The following RAPGEF4 variants were observed in gnomAD, a reference collection of about 807,000 sequenced individuals.
RAPGEF4 encodes the protein Rap guanine nucleotide exchange factor 4.
In RAPGEF4, 66 loss-of-function variants were observed where a neutral mutation model predicts 147.9. The ratio of observed to expected loss-of-function variants is 0.45; its 90% confidence interval spans 0.37 to 0.55. The LOEUF (loss-of-function observed/expected upper bound fraction) is 0.55, where lower values mean the gene tolerates loss of function less well. Ranked by LOEUF, RAPGEF4 falls within the 20% of genes least tolerant of loss-of-function variation. The pLI is 0.00. For missense variants in RAPGEF4, 1,071 were observed against 1,257.3 expected (o/e 0.85, Z 2.24); for synonymous variants, 419 against 442.7 (o/e 0.95, Z 0.67).
rs768086945 is a variant in RAPGEF4, at chr2:172,961,094, C to T, written c.592-28C>T. The T allele has an allele frequency of 4.1e-6, 6 of 1,464,216 alleles. No individual in the cohort carries two copies. In the South Asian group the frequency reaches 6.8e-5, roughly 17 times the overall value. 90.7% of individuals were successfully genotyped at this position (1,464,216 alleles called of 1,614,324 possible). ...CCTTCTATAAACACTTCTTTCTCCT[C>T]CCCTCCTTCCACCTGATTACAATCC... On this transcript the variant is annotated intron_variant, in intron 7 of 30. Transcript: ENST00000397081.
At chr2:172,786,528 A>C (rs534851520) in intron 1 of RAPGEF4, among the ~76,000 whole-genome samples, 13 of 152,332 alleles carry the variant, frequency 8.5e-5, no homozygotes, top group Non-Finnish European at 1.8e-4. Context: ...AAAATGTCAT[A>C]GATTTCATAA....
At chr2:172,968,866 T>C (rs1690152464) in intron 10 of RAPGEF4, among the ~76,000 whole-genome samples, 1 of 152,212 alleles carries the variant, frequency 6.6e-6, no homozygotes, top group Non-Finnish European at 1.5e-5. Context: ...AGCCATGTTT[T>C]CTTTCTTGTC....
chr2:172,766,682 G>A (rs567869485), intron 1 of RAPGEF4, among the ~76,000 whole-genome samples: 7 of 152,084 alleles, frequency 4.6e-5, no homozygotes, highest in Non-Finnish European at 8.8e-5. Context: ...AGCCCCTCCC[G>A]TCGCCTTTCT....
At chr2:172,970,590 G>A (rs2105538181) in intron 10 of RAPGEF4, among the ~76,000 whole-genome samples, 1 of 152,174 alleles carries the variant, frequency 6.6e-6, no homozygotes, top group South Asian at 2.1e-4. Flanking sequence ...TGAAGATGTT[G>A]CTTTGAAAGG....
chr2:172,973,107 CTT>C (rs58806286), intron 10 of RAPGEF4, among the ~76,000 whole-genome samples: 47,549 of 132,078 alleles, frequency 0.36, 5,124 homozygotes, highest in South Asian at 0.51. Context: ...CTTTTTTTTT[CTT>C]TTTTTTTTTT....
intron 4 of RAPGEF4, among the ~76,000 whole-genome samples, chr2:172,875,034 A>T (rs2149825865): frequency 6.6e-6 from 1 of 152,330 alleles, no homozygotes; most frequent in East Asian, 1.9e-4. Context: ...TTTTGGCTGC[A>T]TAAATGTCTT....
chr2:173,002,014 A>AAAT (rs1491066522), intron 17 of RAPGEF4, among the ~76,000 whole-genome samples: 2 of 148,014 alleles, frequency 1.4e-5, no homozygotes, highest in African/African-American at 5.1e-5. Flanking sequence ...AAAAAAAAAA[A>AAAT]ATCCATTGCC....
At chr2:172,946,765 A>T (rs1687718245) in intron 6 of RAPGEF4, among the ~76,000 whole-genome samples, 1 of 152,102 alleles carries the variant, frequency 6.6e-6, no homozygotes, top group Non-Finnish European at 1.5e-5. Context: ...TATATGTAAA[A>T]CGGTTCCACC....
intron 3 of RAPGEF4, among the ~76,000 whole-genome samples, chr2:172,799,087 A>G (rs1686700124): frequency 6.6e-6 from 1 of 152,200 alleles, no homozygotes; most frequent in South Asian, 2.1e-4. Flanking sequence ...GAAGGAGAAC[A>G]GTTAGCATTT....
At chr2:173,050,518 C>T (rs147713287) in intron 30 of RAPGEF4, among the ~76,000 whole-genome samples, 24 of 151,480 alleles carry the variant, frequency 1.6e-4, no homozygotes, top group Non-Finnish European at 2.8e-4. Flanking sequence ...CAGGAGCAAC[C>T]AGACTGCAGA....
intron 6 of RAPGEF4, among the ~76,000 whole-genome samples, chr2:172,942,122 T>C (rs986395582): frequency 2.6e-5 from 4 of 151,464 alleles, no homozygotes; most frequent in Non-Finnish European, 5.9e-5. Flanking sequence ...TAACATATCC[T>C]TTTTTGATGA....
At chr2:172,986,698 C>CCTTTTTTTTTTTTTTTTTTTTTT (rs761936646) in intron 12 of RAPGEF4, among the ~76,000 whole-genome samples, 1 of 100,340 alleles carries the variant, frequency 1.0e-5, no homozygotes, top group African/African-American at 3.2e-5. Flanking sequence ...TTCATATTTT[C>CCTTTTTTTTTTTTTTTTTTTTTT]TTTTTTTTTT....
At chr2:172,897,534 G>A (rs1406465086) in intron 4 of RAPGEF4, among the ~76,000 whole-genome samples, 5 of 151,942 alleles carry the variant, frequency 3.3e-5, no homozygotes, top group Non-Finnish European at 7.4e-5. Context: ...AAGTAGCTAG[G>A]ACTACAGGCA....
intron 1 of RAPGEF4, among the ~76,000 whole-genome samples, chr2:172,792,841 G>A (rs900597054): frequency 6.6e-6 from 1 of 152,126 alleles, no homozygotes; most frequent in African/African-American, 2.4e-5. Context: ...TAATGTACCT[G>A]CCACTTACAC....
At chr2:172,959,214 C>T (rs1047657752) in intron 6 of RAPGEF4, among the ~76,000 whole-genome samples, 4 of 152,220 alleles carry the variant, frequency 2.6e-5, no homozygotes, top group African/African-American at 9.6e-5. Context: ...CACAATAAGG[C>T]GTCAGCAGGG....
intron 4 of RAPGEF4, chr2:172,917,570 C>A (rs775238826): frequency 3.0e-6 from 2 of 676,992 alleles, no homozygotes; most frequent in Non-Finnish European, 5.4e-6. Context: ...AATGAACTGG[C>A]GGAGATAGAA....
At chr2:172,978,193 G>A (rs1445940330) in intron 10 of RAPGEF4, among the ~76,000 whole-genome samples, 1 of 143,210 alleles carries the variant, frequency 7.0e-6, no homozygotes, top group East Asian at 2.9e-4. Flanking sequence ...AGATGTAGTG[G>A]TCACACCCCC....
chr2:173,020,922 G>A lies in RAPGEF4; in HGVS notation c.2253+207G>A, dbSNP rs79613658. 0.016 allele frequency among the ~76,000 whole-genome samples: 2,483 copies of A among 152,286 alleles called. 62 individuals are homozygous for A. Among genetic ancestry groups the A allele is most frequent in the South Asian group, 0.087 (421 of 4,816 alleles). Reference sequence around the variant, plus strand: ...TTCTTTTGTGAAAATTAGCCAAGTAGCACCACTATTAGGGCATAATTCAGC... The same window carrying A: ...TTCTTTTGTGAAAATTAGCCAAGTAACACCACTATTAGGGCATAATTCAGC... On this transcript the variant is annotated intron_variant, in intron 23 of 30. Transcript: ENST00000397081.
At chr2:172,877,482 T>C (rs1467659043) in intron 4 of RAPGEF4, among the ~76,000 whole-genome samples, 6 of 150,572 alleles carry the variant, frequency 4.0e-5, no homozygotes, top group Non-Finnish European at 8.9e-5. Context: ...TGTATACCTA[T>C]GTAACAAACC....
Sources: gnomAD v4.1 joint callset for allele counts (sites outside exome capture counted in the v4.1 genomes callset) on GRCh38, gnomAD v4.1.1 for gene constraint, MANE v1.5 for transcripts, NCBI Gene and HGNC (gene_info 2026-07-23, HGNC 2026-07-21) for gene names.